The following GANAB variants were observed in gnomAD, a reference collection of about 807,000 sequenced individuals.
GANAB encodes neutral alpha-glucosidase AB.
Under a neutral mutation model 129.9 loss-of-function variants are expected in GANAB, and 35 were observed. That is an observed-to-expected ratio of 0.27 (90% CI 0.21 to 0.36). The LOEUF is 0.36. GANAB is among the 10% of genes least tolerant of loss of function. The probability of loss-of-function intolerance (pLI) is 1.00; values close to 1 mark genes in which losing one functional copy is unlikely to be tolerated. For missense variants in GANAB, 939 were observed against 1,221.0 expected, an observed-to-expected ratio of 0.77 and a Z score of 3.44; for synonymous variants, 482 against 451.8, an observed-to-expected ratio of 1.07 and a Z score of -0.85.
chr11:62,644,610 ACT>A (rs1944398829), intron 1 of GANAB, among the ~76,000 whole-genome samples: 1 of 152,034 alleles, frequency 6.6e-6, no homozygotes, highest in African/African-American at 2.4e-5. Context: ...ACAGCACAAG[ACT>A]CTGTCTCAAA....
intron 1 of GANAB, among the ~76,000 whole-genome samples, chr11:62,641,281 T>C (rs1590824003): frequency 6.8e-6 from 1 of 147,128 alleles, no homozygotes; most frequent in Non-Finnish European, 1.5e-5. Flanking sequence ...GAGGCAGAGG[T>C]TGCAGTGAGC....
In GANAB at chr11:62,633,121, G is replaced by A; in HGVS notation, c.719-20C>T. 1 of 1,602,542 alleles carries A rather than the reference G, an allele frequency of 6.2e-7. No homozygotes were observed. The highest frequency in any genetic ancestry group is 8.6e-7 in the Non-Finnish European group (1 of 1,169,526). ...TGGGGCCTGGAAGAAAAACAAACAA[G>A]CTTCAGAGCTTCTGCTTGGAAAGGA... On this transcript the variant is annotated intron_variant, in intron 7 of 23. Coordinates refer to ENST00000356638, the MANE Select transcript of GANAB (RefSeq NM_198334.3).
Position 62,625,524 on chromosome 11 carries a change from G to A in GANAB, c.*291C>T. The A allele has an allele frequency of 4.3e-6, 2 of 466,310 alleles. No homozygotes were observed. The allele number at this position is 466,310 out of a possible 1,614,324, so 28.9% of individuals were successfully genotyped here. On this transcript the variant is annotated 3_prime_UTR_variant, in exon 24 of 24. Coordinates refer to ENST00000356638, the MANE Select transcript of GANAB (RefSeq NM_198334.3). ...AAGGGAAAGAGAAGGGGCGACAAGG[G>A]CCCTGTGGTTTCCTGGTGTTCGTAA... is the stretch of plus-strand genomic sequence containing the variant.
At chr11:62,646,413 G>A in intron 1 of GANAB, 149 bp downstream of exon 1, 2 of 848,526 alleles carry the variant, frequency 2.4e-6, no homozygotes, top group Non-Finnish European at 3.8e-6. Flanking sequence ...CGGGGAGACC[G>A]GAGGCGTCTG....
intron 1 of GANAB, among the ~76,000 whole-genome samples, chr11:62,641,660 A>G (rs753566577): frequency 9.9e-5 from 15 of 152,010 alleles, no homozygotes; most frequent in Non-Finnish European, 1.9e-4. Flanking sequence ...AGCTCACTGT[A>G]ACCTCCGCCT....
In GANAB at chr11:62,630,191, C is replaced by T. The variant is rs1404187563; in HGVS notation, c.1593+6G>A. On this transcript the variant is annotated splice_donor_region_variant and intron_variant, in intron 13 of 23. Transcript: ENST00000356638. ...GACGCAGGTCATGGGGAGAGGCCTT[C>T]CCTACCTCATAATTGTCATAGCTGA... 1 of 1,602,484 alleles carries T rather than the reference C, an allele frequency of 6.2e-7. No homozygotes were observed. The highest frequency in any genetic ancestry group is 1.3e-5 in the African/African-American group (1 of 74,824).
rs569734676 is a variant in GANAB, at chr11:62,642,335, T to C, written c.39-2604A>G. ...CTCCCAAAGTGTTGGGATTATAGTGTCAGCCACTGTGCCCAGCCTGCCTGC... is the reference window on the plus strand; with the variant it reads ...CTCCCAAAGTGTTGGGATTATAGTGCCAGCCACTGTGCCCAGCCTGCCTGC... On this transcript the variant is annotated intron_variant, in intron 1 of 23. Coordinates refer to ENST00000356638, the MANE Select transcript of GANAB (RefSeq NM_198334.3). 1.0e-3 allele frequency among the ~76,000 whole-genome samples: 159 copies of C among 152,230 alleles called. 1 individual carries two copies. Among genetic ancestry groups the C allele is most frequent in the Non-Finnish European group, 1.1e-3 (78 of 68,016 alleles).
intron 11 of GANAB, 21 bp from the exon 12 acceptor site, chr11:62,630,526 T>G (rs774022862): frequency 6.2e-7 from 1 of 1,613,834 alleles, no homozygotes; most frequent in Non-Finnish European, 8.5e-7. Context: ...GGAACAGGGG[T>G]GTTCAGGTCT....
intron 1 of GANAB, among the ~76,000 whole-genome samples, chr11:62,643,250 A>T (rs1209680340): frequency 2.0e-4 from 30 of 152,216 alleles, no homozygotes; most frequent in Non-Finnish European, 1.5e-5. Context: ...TCACACCTAT[A>T]ATCTTGGCAC....
chr11:62,636,286 C>T (rs1275884971), intron 4 of GANAB, among the ~76,000 whole-genome samples: 2 of 152,064 alleles, frequency 1.3e-5, no homozygotes, highest in African/African-American at 4.8e-5. Flanking sequence ...CCATCACACC[C>T]AGCCTGCTTA....
rs144918430 is a variant in GANAB, at chr11:62,644,867, C to T, written c.38+1695G>A. Among the ~76,000 whole-genome samples, 16 of 152,058 alleles carry T rather than the reference C, an allele frequency of 1.1e-4. No individual in the cohort carries two copies. In the East Asian group the frequency reaches 3.1e-3, roughly 29 times the overall value. On this transcript the variant is annotated intron_variant, in intron 1 of 23. Transcript: ENST00000356638. ...AAATAAATAAATAAAATTTGACAAC[C>T]TATAATAAGGTAACTAAAGACAGGG...
chr11:62,632,458 C>T, intron 9 of GANAB, 107 bp downstream of exon 9: 5 of 822,132 alleles, frequency 6.1e-6, no homozygotes, highest in Non-Finnish European at 4.0e-6. Flanking sequence ...AGGCCCACAG[C>T]CCCTTCTTAA....
At chr11:62,636,238 G>A (rs994078010) in intron 4 of GANAB, among the ~76,000 whole-genome samples, 10 of 151,958 alleles carry the variant, frequency 6.6e-5, no homozygotes, top group African/African-American at 1.9e-4. Flanking sequence ...TGATCTGTCC[G>A]CCTTGGCCTC....
chr11:62,643,259 A>G (rs953204890), intron 1 of GANAB, among the ~76,000 whole-genome samples: 6 of 152,204 alleles, frequency 3.9e-5, no homozygotes, highest in African/African-American at 1.2e-4. Flanking sequence ...TAATCTTGGC[A>G]CTTTGGGAGG....
intron 13 of GANAB, 44 bp from the exon 14 acceptor site, chr11:62,630,001 G>A (rs777661490): frequency 1.9e-6 from 3 of 1,597,728 alleles, no homozygotes; most frequent in African/African-American, 2.7e-5. Flanking sequence ...ACAGAGGGGA[G>A]GAAGAAGACA....
At chr11:62,640,394 G>A (rs1400282075) in intron 1 of GANAB, among the ~76,000 whole-genome samples, 29 of 150,414 alleles carry the variant, frequency 1.9e-4, no homozygotes, top group African/African-American at 5.9e-4. Context: ...TTAGCCGGGC[G>A]TGGTGGCAGG....
At position 62,628,966 on chromosome 11, in the gene GANAB, C is replaced by A; in HGVS notation, c.1983G>T (p.Val661=). 3 of 1,613,996 alleles carry A rather than the reference C, an allele frequency of 1.9e-6. No homozygotes were observed. Among genetic ancestry groups the A allele is most frequent in the Non-Finnish European group, 2.5e-6 (3 of 1,179,898 alleles). Residue 661 remains valine, a synonymous_variant, in exon 17 of 24, where the codon GTG becomes GTT. Transcript: ENST00000356638. ...GGTAAGCACCCATCTGGTACCAGCG[C>A]ACAAGCAGCTCTGGCTCTGGGTTTT... ...FFKNPEPELL[V]RWYQMGAYQP... is the part of the protein sequence containing the mutation.
intron 13 of GANAB, 79 bp downstream of exon 13, chr11:62,630,118 A>G: frequency 7.5e-7 from 1 of 1,335,352 alleles, no homozygotes; most frequent in South Asian, 1.2e-5. Flanking sequence ...TCAACCATAG[A>G]AGGGTTGGCA....
At position 62,625,377 on chromosome 11, in the gene GANAB, T is replaced by C. The variant is rs1565085447; in HGVS notation, c.*438A>G. On this transcript the variant is annotated 3_prime_UTR_variant, in exon 24 of 24. Coordinates refer to ENST00000356638, the MANE Select transcript of GANAB (RefSeq NM_198334.3). Reference sequence around the variant, plus strand: ...GAAGAAATGAAAGGTGGGAGAGCAATCTGGTGGGAGGGAAGGGGAAAAGGA... The same window carrying C: ...GAAGAAATGAAAGGTGGGAGAGCAACCTGGTGGGAGGGAAGGGGAAAAGGA... 4.1e-5 allele frequency: 18 copies of C among 439,344 alleles called. No individual in the cohort carries two copies. The highest frequency in any genetic ancestry group is 2.6e-4 in the South Asian group (16 of 61,736). The allele number at this position is 439,344 out of a possible 1,614,324, so 27.2% of individuals were successfully genotyped here. A position where few individuals can be genotyped will look rare whatever the true frequency, so the allele number is the denominator to read the frequency against.
Sources: allele counts gnomAD v4.1 joint callset (sites outside exome capture counted in the v4.1 genomes callset), GRCh38; gene constraint gnomAD v4.1.1; transcripts MANE v1.5; gene names NCBI Gene and HGNC (gene_info 2026-07-23, HGNC 2026-07-21).